LRRTM3: variants seen among roughly 807,000 people sequenced by gnomAD.
The protein encoded by LRRTM3 is leucine-rich repeat transmembrane neuronal protein 3.
LRRTM3 carries 24 observed loss-of-function variants against 44.7 expected under a neutral mutation model. The observed-to-expected ratio is 0.54, with a 90% confidence interval of 0.39 to 0.76. The LOEUF (loss-of-function observed/expected upper bound fraction) is 0.76, where lower values mean the gene tolerates loss of function less well. Among genes scored for constraint, LRRTM3 ranks in the 30% least tolerant of loss-of-function variants. The probability of loss-of-function intolerance (pLI) is 0.00; values close to 1 mark genes in which losing one functional copy is unlikely to be tolerated. For synonymous variants in LRRTM3, 277 were observed against 278.7 expected (o/e 0.99, Z 0.06); for missense variants, 587 against 702.2 (o/e 0.84, Z 1.85).
intron 2 of LRRTM3, among the ~76,000 whole-genome samples, chr10:67,050,094 C>T (rs934533070): frequency 5.3e-5 from 8 of 152,198 alleles, no homozygotes; most frequent in East Asian, 3.9e-4. Flanking sequence ...AGCTAATATA[C>T]ATTTCCTTCC....
intron 2 of LRRTM3, among the ~76,000 whole-genome samples, chr10:66,959,078 G>A (rs1848984938): frequency 6.6e-6 from 1 of 152,056 alleles, no homozygotes; most frequent in Non-Finnish European, 1.5e-5. Flanking sequence ...TATCCACAGG[G>A]TAGATGTTGA....
chr10:66,955,827 G>A (rs547751588), intron 2 of LRRTM3, among the ~76,000 whole-genome samples: 3 of 152,180 alleles, frequency 2.0e-5, no homozygotes, highest in Admixed American at 2.0e-4. Flanking sequence ...CACAGATGAG[G>A]GATTTCAAAT....
At position 66,927,365 on chromosome 10, in the gene LRRTM3, C is replaced by A; in HGVS notation, c.449C>A (p.Ser150Tyr). The A allele has an allele frequency of 6.2e-7, 1 of 1,614,200 alleles. No individual in the cohort carries two copies. The highest frequency in any genetic ancestry group is 1.7e-5 in the Admixed American group (1 of 60,032). ...LSYNQLHSLGSEQFRGLRKLL... is the reference protein window; with the variant it reads ...LSYNQLHSLGYEQFRGLRKLL... ...TATAATCAGCTGCATTCTCTGGGAT[C>A]TGAACAGTTTCGGGGCTTGCGGAAG... Residue 150 changes from serine to tyrosine, a missense_variant, in exon 2 of 3, where the codon TCT becomes TAT. By Grantham distance (144) the Ser-to-Tyr change is moderately radical. This residue lies in a region of LRRTM3 where 222 missense variants were observed against 323.3 expected (regional missense o/e 0.69). Transcript: ENST00000361320. This position sits in a 1 kb window ranked among gnomAD's most constrained non-coding sequence, Gnocchi z 4.7.
At chr10:67,045,288 C>T (rs1460118515) in intron 2 of LRRTM3, among the ~76,000 whole-genome samples, 1 of 152,150 alleles carries the variant, frequency 6.6e-6, no homozygotes, top group Non-Finnish European at 1.5e-5. Flanking sequence ...AAGAAACCAT[C>T]TTTGTTCCCA....
intron 2 of LRRTM3, among the ~76,000 whole-genome samples, chr10:67,055,454 C>T (rs1228271782): frequency 1.3e-5 from 2 of 151,930 alleles, no homozygotes; most frequent in Non-Finnish European, 2.9e-5. Flanking sequence ...ATTAACAAAG[C>T]AAATAGGTAG....
intron 2 of LRRTM3, among the ~76,000 whole-genome samples, chr10:66,973,092 C>T (rs888778378): frequency 1.3e-5 from 2 of 152,116 alleles, no homozygotes; most frequent in Non-Finnish European, 2.9e-5. Context: ...TTTTTTATTG[C>T]TTCTCAGCCT....
At chr10:67,085,491 C>T (rs1043796862) in intron 2 of LRRTM3, among the ~76,000 whole-genome samples, 9 of 151,960 alleles carry the variant, frequency 5.9e-5, no homozygotes, top group East Asian at 1.9e-4. Flanking sequence ...AATCAGTCAA[C>T]GTTAGTCACC....
rs933386238 is a variant in LRRTM3, at chr10:66,991,847, C to G, written c.1536+63395C>G. ...ATGCCAGAATAATATCAAATACTTT[C>G]ATTTAATCAGTTATGATTATTTTAT... On this transcript the variant is annotated intron_variant, in intron 2 of 2. Transcript: ENST00000361320. 3.9e-5 allele frequency among the ~76,000 whole-genome samples: 6 copies of G among 152,286 alleles called. No homozygotes were observed. The East Asian group carries it at 1.2e-3, about 29-fold the overall frequency.
chr10:66,935,504 G>C (rs1847645950), intron 2 of LRRTM3, among the ~76,000 whole-genome samples: 2 of 152,098 alleles, frequency 1.3e-5, no homozygotes, highest in Admixed American at 1.3e-4. Context: ...GGCACCAATA[G>C]AGGGTTAGGT....
chr10:67,000,528 A>C (rs773274288), intron 2 of LRRTM3, among the ~76,000 whole-genome samples: 20 of 152,198 alleles, frequency 1.3e-4, no homozygotes, highest in Non-Finnish European at 1.9e-4. Context: ...GTAATCACAA[A>C]ATTACAACAA....
rs996279742 is a variant in LRRTM3 at position 66,926,458 on chromosome 10, T to G, written c.-126T>G. ...CAAAATCGGTCCATCTCCCAAGGGG[T>G]CCAATTTTTCTTCCTGGGTGTCAGC... On this transcript the variant is annotated 5_prime_UTR_variant, in exon 1 of 3. Coordinates refer to ENST00000361320, the MANE Select transcript of LRRTM3 (RefSeq NM_178011.5). 2 of 1,039,810 alleles carry G rather than the reference T, an allele frequency of 1.9e-6. No homozygotes were observed. The highest frequency in any genetic ancestry group is 2.9e-6 in the Non-Finnish European group (2 of 682,402). The allele number at this position is 1,039,810 out of a possible 1,614,324, so 64.4% of individuals were successfully genotyped here.
At chr10:67,077,012 G>A (rs774007746) in intron 2 of LRRTM3, among the ~76,000 whole-genome samples, 1 of 152,008 alleles carries the variant, frequency 6.6e-6, no homozygotes, top group Non-Finnish European at 1.5e-5. Flanking sequence ...TTCAGGCAAC[G>A]CCCCCAACAT....
At chr10:66,996,270 A>G (rs1455040700) in intron 2 of LRRTM3, among the ~76,000 whole-genome samples, 1 of 152,232 alleles carries the variant, frequency 6.6e-6, no homozygotes, top group Non-Finnish European at 1.5e-5. Flanking sequence ...CAAAGCAATT[A>G]TCTATCTAAC....
chr10:67,045,732 A>AGGCC (rs1013091520), intron 2 of LRRTM3, among the ~76,000 whole-genome samples: 2 of 152,122 alleles, frequency 1.3e-5, no homozygotes, highest in Admixed American at 6.5e-5. Context: ...AGACCAGCCA[A>AGGCC]GGCCCCCCTC....
At chr10:67,070,685 T>G (rs907369132) in intron 2 of LRRTM3, among the ~76,000 whole-genome samples, 8 of 151,490 alleles carry the variant, frequency 5.3e-5, no homozygotes, top group Non-Finnish European at 1.2e-4. Context: ...AGGCGGAGGT[T>G]GCAGGGAGCT....
chr10:67,087,030 G>A (rs918392677), intron 2 of LRRTM3, among the ~76,000 whole-genome samples: 2 of 151,920 alleles, frequency 1.3e-5, no homozygotes, highest in African/African-American at 2.4e-5. Flanking sequence ...ATGAAGAAAC[G>A]GATTTGGAAA....
At chr10:67,014,189 T>G (rs1338466963) in intron 2 of LRRTM3, among the ~76,000 whole-genome samples, 1 of 152,234 alleles carries the variant, frequency 6.6e-6, no homozygotes, top group Non-Finnish European at 1.5e-5. Context: ...TCACCATGCA[T>G]GCTTTAGTGC....
At chr10:67,047,479 G>T (rs10762131) in intron 2 of LRRTM3, among the ~76,000 whole-genome samples, 18,296 of 152,030 alleles carry the variant, frequency 0.12, 1,307 homozygotes, top group African/African-American at 0.21. Context: ...GAGTGTTACT[G>T]CATTATATTT....
intron 2 of LRRTM3, among the ~76,000 whole-genome samples, chr10:67,056,742 G>T (rs776619890): frequency 2.0e-5 from 3 of 152,136 alleles, no homozygotes; most frequent in African/African-American, 4.8e-5. Flanking sequence ...AATTAAAATA[G>T]CAAGTTCAAG....
Sources: allele counts gnomAD v4.1 joint callset (sites outside exome capture counted in the v4.1 genomes callset), GRCh38; gene constraint gnomAD v4.1.1; regional missense constraint gnomAD v4.1.1; non-coding constraint Gnocchi (gnomAD v3.1); transcripts MANE v1.5; gene names NCBI Gene and HGNC (gene_info 2026-07-23, HGNC 2026-07-21).